Variants in RPSA2 observed in about 807,000 individuals in gnomAD.
RPSA2 encodes small ribosomal subunit protein uS2B.
chr19:23,779,291 C>CAT, the RPSA2 span, among the ~76,000 whole-genome samples: 1 of 151,918 alleles, frequency 6.6e-6, no homozygotes, highest in Non-Finnish European at 1.5e-5. Flanking sequence ...TGAGCCACTG[C>CAT]GCCCGGCCAT....
chr19:23,789,023 C>CTTTTTTTTTTTTT, the RPSA2 span, among the ~76,000 whole-genome samples: 5 of 129,420 alleles, frequency 3.9e-5, no homozygotes, highest in East Asian at 2.3e-4. Context: ...TTCTTTCTTT[C>CTTTTTTTTTTTTT]TTTTTTTTTT....
the RPSA2 span, among the ~76,000 whole-genome samples, chr19:23,819,621 C>T: frequency 6.6e-6 from 1 of 152,136 alleles, no homozygotes; most frequent in Non-Finnish European, 1.5e-5. Context: ...TTTTGCATGG[C>T]TATTCTTAAA....
the RPSA2 span, among the ~76,000 whole-genome samples, chr19:23,761,133 G>A: frequency 6.6e-6 from 1 of 150,856 alleles, no homozygotes; most frequent in Non-Finnish European, 1.5e-5. Flanking sequence ...TGTCATCCAG[G>A]CTGAAGTGTA....
At chr19:23,786,286 C>G in the RPSA2 span, among the ~76,000 whole-genome samples, 34 of 152,212 alleles carry the variant, frequency 2.2e-4, no homozygotes, top group Non-Finnish European at 1.5e-4. Context: ...GGGACCTGTG[C>G]GGGATTGTTA....
chr19:23,841,161 GT>G, the RPSA2 span, among the ~76,000 whole-genome samples: 8 of 151,890 alleles, frequency 5.3e-5, no homozygotes. Flanking sequence ...TATTTACTTG[GT>G]TAACGTGTTT....
At chr19:23,837,271 T>A in the RPSA2 span, among the ~76,000 whole-genome samples, 1 of 152,182 alleles carries the variant, frequency 6.6e-6, no homozygotes, top group Non-Finnish European at 1.5e-5. Flanking sequence ...TTTTGTTTGC[T>A]TTGTTGAAAA....
At chr19:23,848,821 G>T in the RPSA2 span, among the ~76,000 whole-genome samples, 1 of 152,140 alleles carries the variant, frequency 6.6e-6, no homozygotes. Context: ...GGTGGAATTG[G>T]CTTGCCAATC....
chr19:23,787,295 T>C, the RPSA2 span, among the ~76,000 whole-genome samples: 5 of 152,122 alleles, frequency 3.3e-5, no homozygotes, highest in South Asian at 2.1e-4. Flanking sequence ...GCCTTGCCTA[T>C]AGGCGGCATT....
the RPSA2 span, among the ~76,000 whole-genome samples, chr19:23,766,141 TCC>T: frequency 1.5e-4 from 12 of 80,014 alleles, no homozygotes; most frequent in South Asian, 5.4e-4. Flanking sequence ...ATATTTCATT[TCC>T]TTTTTTTTTT....
chr19:23,769,639 C>T, the RPSA2 span, among the ~76,000 whole-genome samples: 8 of 152,238 alleles, frequency 5.3e-5, no homozygotes, highest in African/African-American at 9.6e-5. Context: ...CCACGATGCC[C>T]GGCCGATGTG....
the RPSA2 span, among the ~76,000 whole-genome samples, chr19:23,764,093 C>T: frequency 3.0e-4 from 46 of 152,126 alleles, 2 homozygotes; most frequent in East Asian, 8.9e-3. Context: ...GATATAAACT[C>T]GAGTTAGGTT....
chr19:23,776,470 C>T, the RPSA2 span, among the ~76,000 whole-genome samples: 7 of 118,466 alleles, frequency 5.9e-5, no homozygotes, highest in African/African-American at 2.2e-4. Context: ...CCTGCCTCTG[C>T]TTTGCTCACA....
At chr19:23,839,486 A>T in the RPSA2 span, among the ~76,000 whole-genome samples, 7 of 152,110 alleles carry the variant, frequency 4.6e-5, no homozygotes, top group South Asian at 4.1e-4. Flanking sequence ...ATCTGTTTCC[A>T]TGTGGAGGGC....
the RPSA2 span, among the ~76,000 whole-genome samples, chr19:23,790,245 C>G: frequency 3.3e-5 from 5 of 152,072 alleles, no homozygotes; most frequent in African/African-American, 1.2e-4. Context: ...GATCCACCCG[C>G]CTAGGCTTCC....
the RPSA2 span, among the ~76,000 whole-genome samples, chr19:23,813,146 G>A: frequency 6.8e-6 from 1 of 147,986 alleles, no homozygotes; most frequent in Non-Finnish European, 1.5e-5. Context: ...GAGGGGCAGG[G>A]TTACTTGAGC....
At chr19:23,804,788 G>T in the RPSA2 span, among the ~76,000 whole-genome samples, 2 of 152,078 alleles carry the variant, frequency 1.3e-5, no homozygotes, top group African/African-American at 2.4e-5. Context: ...TTAGGTAAGT[G>T]GTTATAAGCC....
At chr19:23,802,403 G>T in the RPSA2 span, among the ~76,000 whole-genome samples, 1 of 152,160 alleles carries the variant, frequency 6.6e-6, no homozygotes, top group Non-Finnish European at 1.5e-5. Flanking sequence ...TTTCTTTTTA[G>T]AATCAGCCTG....
At chr19:23,863,031 AGGATCCT>A in the RPSA2 span, among the ~76,000 whole-genome samples, 2 of 152,052 alleles carry the variant, frequency 1.3e-5, no homozygotes, top group Non-Finnish European at 2.9e-5. Context: ...AAAAATAATT[AGGATCCT>A]GGTAGCTAGT....
chr19:23,833,309 G>T, the RPSA2 span: 1 of 584,354 alleles, frequency 1.7e-6, no homozygotes. Context: ...TTACAAGTGT[G>T]AATAATGTGT....
Sources: gnomAD v4.1 joint callset for allele counts (sites outside exome capture counted in the v4.1 genomes callset) on GRCh38, gnomAD v4.1.1 for gene constraint, MANE v1.5 for transcripts, NCBI Gene and HGNC (gene_info 2026-07-23, HGNC 2026-07-21) for gene names.